ABCA4: variants seen among roughly 807,000 people sequenced by gnomAD.
ABCA4 encodes the protein retinal-specific phospholipid-transporting ATPase ABCA4.
In ABCA4, 196 loss-of-function variants were observed where a neutral mutation model predicts 263.7. The ratio of observed to expected loss-of-function variants is 0.74; its 90% confidence interval spans 0.66 to 0.84. The LOEUF (loss-of-function observed/expected upper bound fraction) is 0.84, where lower values mean the gene tolerates loss of function less well. Ranked by LOEUF, ABCA4 falls within the 40% of genes least tolerant of loss-of-function variation. The probability of loss-of-function intolerance (pLI) is 0.00; values close to 1 mark genes in which losing one functional copy is unlikely to be tolerated. For synonymous variants in ABCA4, 1,133 were observed against 1,094.2 expected, an observed-to-expected ratio of 1.04 and a Z score of -0.70; for missense variants, 2,792 against 2,855.1, an observed-to-expected ratio of 0.98 and a Z score of 0.50.
At chr1:94,029,783 T>C (rs1660147177) in intron 29 of ABCA4, 152 bp from the exon 30 acceptor site, 2 of 780,850 alleles carry the variant, frequency 2.6e-6, no homozygotes, top group South Asian at 1.6e-5. Flanking sequence ...GCTCAAGCAA[T>C]ATCAAAACTA....
intron 24 of ABCA4, among the ~76,000 whole-genome samples, chr1:94,039,041 C>A (rs1239502444): frequency 6.6e-6 from 1 of 152,192 alleles, no homozygotes; most frequent in Non-Finnish European, 1.5e-5. Flanking sequence ...ATCACAGTAA[C>A]TTAACATATT....
At chr1:94,044,094 T>TCCCTCCC (rs1557779024) in intron 20 of ABCA4, among the ~76,000 whole-genome samples, 1 of 12,156 alleles carries the variant, frequency 8.2e-5, no homozygotes, top group African/African-American at 9.8e-5. Context: ...CCCTCCCTTC[T>TCCCTCCC]TTCCTTCCTT....
At chr1:94,086,815 T>C (rs1039735288) in intron 6 of ABCA4, among the ~76,000 whole-genome samples, 3 of 152,292 alleles carry the variant, frequency 2.0e-5, no homozygotes, top group East Asian at 3.9e-4. Flanking sequence ...CTGCCCCAAA[T>C]GGTGGCTTTG....
intron 31 of ABCA4, 107 bp from the exon 32 acceptor site, chr1:94,023,525 G>T (rs2101026172): frequency 4.0e-6 from 4 of 991,194 alleles, no homozygotes; most frequent in Non-Finnish European, 6.3e-6. Context: ...GTCTTCAGGG[G>T]CATTTTTGCA....
At chr1:94,025,080 T>C (rs1317713983) in intron 30 of ABCA4, 32 bp from the exon 31 acceptor site, 1 of 1,582,156 alleles carries the variant, frequency 6.3e-7, no homozygotes, top group African/African-American at 1.3e-5. Context: ...GTTAATTACC[T>C]TGGAACTTGA....
chr1:94,066,198 T>G (rs183643590), intron 11 of ABCA4, among the ~76,000 whole-genome samples: 2 of 152,370 alleles, frequency 1.3e-5, no homozygotes, highest in East Asian at 3.9e-4. Context: ...ACCCAGTGTT[T>G]GTCAGTACTT....
In ABCA4 at chr1:94,075,770, C is replaced by A. The variant is rs545740381; in HGVS notation, c.1554+1920G>T. 6.5e-4 allele frequency among the ~76,000 whole-genome samples: 99 copies of A among 152,312 alleles called. 1 individual carries two copies. In the South Asian group the frequency reaches 9.5e-3, roughly 15 times the overall value. The stretch of plus-strand genomic sequence containing the variant: ...TGGCCCATGGGCAAGAGTGGTCCAC[C>A]CTTAGATGGAGTCATTTACTGGGAG... On this transcript the variant is annotated intron_variant, in intron 11 of 49. Coordinates refer to ENST00000370225, the MANE Select transcript of ABCA4 (RefSeq NM_000350.3).
chr1:94,044,886 T>A, intron 19 of ABCA4, 142 bp from the exon 20 acceptor site: 1 of 1,265,928 alleles, frequency 7.9e-7, no homozygotes, highest in Non-Finnish European at 1.1e-6. Flanking sequence ...CTATTAGCTG[T>A]GGGGCCCCCT....
At chr1:94,048,548 A>C (rs946582672) in intron 18 of ABCA4, among the ~76,000 whole-genome samples, 2 of 152,218 alleles carry the variant, frequency 1.3e-5, no homozygotes, top group African/African-American at 4.8e-5. Context: ...CAGTGACCAA[A>C]GTTATTGTTC....
At position 94,052,996 on chromosome 1, in the gene ABCA4, T is replaced by C. The variant is rs141964533; in HGVS notation, c.2588-1298A>G. Among the ~76,000 whole-genome samples, 996 of 152,294 alleles carry C rather than the reference T, an allele frequency of 6.5e-3. 11 individuals are homozygous for C. Among genetic ancestry groups the C allele is most frequent in the African/African-American group, 0.022 (916 of 41,562 alleles). ...AGAATGGAACTTTCAGTCCCAACCC[T>C]CAACCTCCAATGGGGGAGTATGGAG... On this transcript the variant is annotated intron_variant, in intron 16 of 49. Coordinates refer to ENST00000370225, the MANE Select transcript of ABCA4 (RefSeq NM_000350.3).
At chr1:94,104,670 C>T (rs1432924938) in intron 4 of ABCA4, among the ~76,000 whole-genome samples, 1 of 152,198 alleles carries the variant, frequency 6.6e-6, no homozygotes, top group African/African-American at 2.4e-5. Context: ...AATGGGTTCC[C>T]TGAGAGTGGT....
chr1:94,085,828 C>G (rs890652082), intron 6 of ABCA4, among the ~76,000 whole-genome samples: 1 of 152,168 alleles, frequency 6.6e-6, no homozygotes, highest in African/African-American at 2.4e-5. Flanking sequence ...TCTATTCCCC[C>G]CCATTCCTTC....
chr1:94,032,664 AC>A (rs1660237911), intron 26 of ABCA4, among the ~76,000 whole-genome samples: 2 of 152,274 alleles, frequency 1.3e-5, no homozygotes, highest in Admixed American at 6.5e-5. Context: ...AAACAAACAA[AC>A]AAAAAAACTA....
intron 32 of ABCA4, among the ~76,000 whole-genome samples, chr1:94,022,174 T>C (rs1659921674): frequency 6.6e-6 from 1 of 152,240 alleles, no homozygotes; most frequent in African/African-American, 2.4e-5. Context: ...CTTCTGCATC[T>C]GGTCTGTGCC....
rs1661578607 is a variant in ABCA4 at position 94,077,845 on chromosome 1, G to A, written c.1399C>T (p.Gln467Ter). The change falls in exon 11 of 50, where the codon CAG (glutamine) becomes TAG (stop). Residue 467 changes from glutamine to a stop codon, truncating the protein, a stop_gained. Coordinates refer to ENST00000370225, the MANE Select transcript of ABCA4 (RefSeq NM_000350.3). LOFTEE classifies it high-confidence loss of function. ...GCAGTAATACCTTCTTCACCAAGCTGCCTATTCAAAAAGTCTTTTACTGTT... is the reference window on the plus strand; with the variant it reads ...GCAGTAATACCTTCTTCACCAAGCTACCTATTCAAAAAGTCTTTTACTGTT... ...NPTVKDFLNRQLGEEGITAEA... is the reference protein window; with the variant it reads ...NPTVKDFLNR 6.2e-7 allele frequency: 1 copy of A among 1,614,216 alleles called. No individual in the cohort carries two copies. Among genetic ancestry groups the A allele is most frequent in the Non-Finnish European group, 8.5e-7 (1 of 1,180,030 alleles).
In ABCA4 at chr1:94,018,071, T is replaced by C. The variant is rs377605154; in HGVS notation, c.5196+1511A>G. Among the ~76,000 whole-genome samples, 20 of 152,310 alleles carry C rather than the reference T, an allele frequency of 1.3e-4. 1 individual carries two copies. The highest frequency in any genetic ancestry group is 7.7e-4 in the East Asian group (4 of 5,184). On this transcript the variant is annotated intron_variant, in intron 36 of 49. Coordinates refer to ENST00000370225, the MANE Select transcript of ABCA4 (RefSeq NM_000350.3). ...AGCATCAGAAAGCCTGCTAACATGA[T>C]GCCTACCATCTTCTACCCCTTCATT...
intron 6 of ABCA4, among the ~76,000 whole-genome samples, chr1:94,087,117 C>T (rs1661852727): frequency 6.6e-6 from 1 of 152,152 alleles, no homozygotes; most frequent in Non-Finnish European, 1.5e-5. Flanking sequence ...GACCTAATTG[C>T]CTCCGAAAGG....
intron 1 of ABCA4, among the ~76,000 whole-genome samples, chr1:94,116,583 C>T (rs1202601328): frequency 1.3e-5 from 2 of 152,074 alleles, no homozygotes; most frequent in Non-Finnish European, 1.5e-5. Context: ...GCGGTTGCTG[C>T]ATTTCACGCG....
At chr1:94,001,439 G>GT (rs1335597854) in intron 45 of ABCA4, 1 of 497,014 alleles carries the variant, frequency 2.0e-6, no homozygotes, top group Non-Finnish European at 3.7e-6. Context: ...CACTTCCTTG[G>GT]TTCCCGCTAT....
Sources: gnomAD v4.1 joint callset for allele counts (sites outside exome capture counted in the v4.1 genomes callset) on GRCh38, gnomAD v4.1.1 for gene constraint, MANE v1.5 for transcripts, NCBI Gene and HGNC (gene_info 2026-07-23, HGNC 2026-07-21) for gene names.